Variants in RAMP3 observed in about 807,000 individuals in gnomAD.
The protein encoded by RAMP3 is receptor activity modifying protein 3.
RAMP3 carries 14 observed loss-of-function variants against 13.5 expected under a neutral mutation model. The ratio of observed to expected loss-of-function variants is 1.04; its 90% CI spans 0.69 to 1.63. RAMP3 has a LOEUF of 1.63. Ranked by LOEUF, RAMP3 falls within the 40% of genes most tolerant of loss-of-function variation. RAMP3 has a pLI of 0.00. For missense variants in RAMP3, 200 were observed against 204.8 expected, an observed-to-expected ratio of 0.98 and a Z score of 0.14; for synonymous variants, 106 against 88.3, an observed-to-expected ratio of 1.20 and a Z score of -1.12.
At chr7:45,178,966 C>A (rs985249445) in intron 2 of RAMP3, among the ~76,000 whole-genome samples, 3 of 152,234 alleles carry the variant, frequency 2.0e-5, no homozygotes, top group Non-Finnish European at 4.4e-5. Context: ...GGAGCCCTCC[C>A]ACGACCCGGC....
chr7:45,167,978 G>T (rs935628142), intron 1 of RAMP3, among the ~76,000 whole-genome samples: 1 of 152,280 alleles, frequency 6.6e-6, no homozygotes, highest in Non-Finnish European at 1.5e-5. Context: ...ACTGCAATGG[G>T]CCAGCTGCGA....
At position 45,183,624 on chromosome 7, in the gene RAMP3, C is replaced by A. The variant is rs986108310; in HGVS notation, c.*212C>A. 6 of 661,170 alleles carry A rather than the reference C, an allele frequency of 9.1e-6. No homozygotes were observed. The highest frequency in any genetic ancestry group is 1.5e-5 in the Non-Finnish European group (6 of 391,126). 41.0% of individuals were successfully genotyped at this position (661,170 alleles called of 1,614,324 possible). On this transcript the variant is annotated 3_prime_UTR_variant, in exon 3 of 3. Coordinates refer to ENST00000242249, the MANE Select transcript of RAMP3 (RefSeq NM_005856.3). ...AGGCTATCCGCCCAAGCTCTTTGCT[C>A]ATTCTAGGGCCAGTGGAGGAAAATG...
chr7:45,165,589 A>AT (rs1433564861), intron 1 of RAMP3, among the ~76,000 whole-genome samples: 3 of 152,178 alleles, frequency 2.0e-5, no homozygotes, highest in Non-Finnish European at 2.9e-5. Context: ...ATACATCAAT[A>AT]TTTTTTAGTA....
chr7:45,183,367 T>C lies in RAMP3; in HGVS notation c.402T>C (p.Ala134=). 6.2e-7 allele frequency: 1 copy of C among 1,613,652 alleles called. No homozygotes were observed. ...VIPVVLTVAM[A]GLVVWRSKRT... ...CCGTCGTTCTGACTGTCGCCATGGC[T>C]GGCCTGGTGGTGTGGCGCAGCAAAC... Residue 134 remains alanine (A), a synonymous_variant, in exon 3 of 3, where the codon GCT becomes GCC. Coordinates refer to ENST00000242249, the MANE Select transcript of RAMP3 (RefSeq NM_005856.3).
chr7:45,160,059 G>A (rs1344034839), intron 1 of RAMP3, among the ~76,000 whole-genome samples: 1 of 152,112 alleles, frequency 6.6e-6, no homozygotes, highest in African/African-American at 2.4e-5. Flanking sequence ...CCGGCCGGGT[G>A]CGGTGGCTCA....
At chr7:45,182,402 G>A (rs1786334264) in intron 2 of RAMP3, among the ~76,000 whole-genome samples, 1 of 152,166 alleles carries the variant, frequency 6.6e-6, no homozygotes, top group Non-Finnish European at 1.5e-5. Context: ...GGAACAGGTG[G>A]TGGCTGGGAA....
At chr7:45,172,187 C>T (rs1423305333) in intron 1 of RAMP3, among the ~76,000 whole-genome samples, 1 of 152,202 alleles carries the variant, frequency 6.6e-6, no homozygotes, top group African/African-American at 2.4e-5. Context: ...AGACCTCCTG[C>T]AACCTGGAGC....
At chr7:45,168,086 A>G (rs1017645667) in intron 1 of RAMP3, among the ~76,000 whole-genome samples, 6 of 152,022 alleles carry the variant, frequency 3.9e-5, no homozygotes, top group Non-Finnish European at 8.8e-5. Context: ...ATGTCTTTCT[A>G]TTTATGTAGA....
chr7:45,163,693 T>C (rs773239502), intron 1 of RAMP3: 71 of 985,276 alleles, frequency 7.2e-5, no homozygotes, highest in Non-Finnish European at 8.1e-5. Flanking sequence ...CACTCTTTTT[T>C]ACAGATGGGG....
At chr7:45,158,027 G>A in intron 1 of RAMP3, 141 bp downstream of exon 1, 1 of 841,570 alleles carries the variant, frequency 1.2e-6, no homozygotes, top group Non-Finnish European at 1.6e-6. Flanking sequence ...TGACCCTGGC[G>A]GGATTCCCAG....
chr7:45,160,050 C>T (rs535098727), intron 1 of RAMP3, among the ~76,000 whole-genome samples: 368 of 152,102 alleles, frequency 2.4e-3, no homozygotes, highest in African/African-American at 8.1e-3. Context: ...TGGAGGTGGC[C>T]GGCCGGGTGC....
intron 1 of RAMP3, among the ~76,000 whole-genome samples, chr7:45,159,867 T>C (rs957665606): frequency 6.6e-5 from 10 of 152,288 alleles, no homozygotes; most frequent in Admixed American, 1.3e-4. Flanking sequence ...CACCCAAAGA[T>C]GGAGCACCAT....
At position 45,183,373 on chromosome 7, in the gene RAMP3, G is replaced by T. The variant is rs750211383; in HGVS notation, c.408G>T (p.Leu136=). 19 of 1,613,414 alleles carry T rather than the reference G, an allele frequency of 1.2e-5. No homozygotes were observed. Among genetic ancestry groups the T allele is most frequent in the Non-Finnish European group, 1.5e-5 (18 of 1,180,046 alleles). ...TTCTGACTGTCGCCATGGCTGGCCTGGTGGTGTGGCGCAGCAAACGCACCG... is the reference window on the plus strand; with the variant it reads ...TTCTGACTGTCGCCATGGCTGGCCTTGTGGTGTGGCGCAGCAAACGCACCG... The part of the protein sequence containing the change: ...PVVLTVAMAG[L]VVWRSKRTDT... The change falls in exon 3 of 3, where the codon CTG becomes CTT. Residue 136 remains leucine, a synonymous_variant. Transcript: ENST00000242249.
chr7:45,184,212 T>C lies in RAMP3; in HGVS notation c.*800T>C. 1 of 398,654 alleles carries C rather than the reference T, an allele frequency of 2.5e-6. No homozygotes were observed. The highest frequency in any genetic ancestry group is 4.4e-6 in the Non-Finnish European group (1 of 226,124). 24.7% of individuals were successfully genotyped at this position (398,654 alleles called of 1,614,324 possible). On this transcript the variant is annotated 3_prime_UTR_variant, in exon 3 of 3. Coordinates refer to ENST00000242249, the MANE Select transcript of RAMP3 (RefSeq NM_005856.3). ...AGCTTGTGGCCTCTATCTGCTACCATCTGTGTTTTATCTGAGTAAAGTTAC... is the reference window on the plus strand; with the variant it reads ...AGCTTGTGGCCTCTATCTGCTACCACCTGTGTTTTATCTGAGTAAAGTTAC...
intron 2 of RAMP3, among the ~76,000 whole-genome samples, chr7:45,179,786 C>G (rs765286339): frequency 2.0e-5 from 3 of 152,156 alleles, no homozygotes; most frequent in Non-Finnish European, 1.5e-5. Context: ...AGGGCTTGCC[C>G]GGTACTAGCA....
At position 45,183,534 on chromosome 7, in the gene RAMP3, G is replaced by A. The variant is rs1181103120; in HGVS notation, c.*122G>A. On this transcript the variant is annotated 3_prime_UTR_variant, in exon 3 of 3. Transcript: ENST00000242249. Reference sequence around the variant, plus strand: ...GTGGCCACACCCCACCTGGTCATGGGCAGACCCCTCCCTTCCTGGGCTGAC... The same window carrying A: ...GTGGCCACACCCCACCTGGTCATGGACAGACCCCTCCCTTCCTGGGCTGAC... 84 of 1,420,168 alleles carry A rather than the reference G, an allele frequency of 5.9e-5. No individual in the cohort carries two copies. Among genetic ancestry groups the A allele is most frequent in the Middle Eastern group, 2.4e-4 (1 of 4,246 alleles). 88.0% of individuals were successfully genotyped at this position (1,420,168 alleles called of 1,614,324 possible). A position where few individuals can be genotyped will look rare whatever the true frequency, so the allele number is the denominator to read the frequency against.
At chr7:45,163,740 A>T in intron 1 of RAMP3, 2 of 984,808 alleles carry the variant, frequency 2.0e-6, no homozygotes, top group Non-Finnish European at 2.4e-6. Flanking sequence ...CCCTGCTTGG[A>T]GTCACACAGC....
Position 45,183,482 on chromosome 7 carries a change from G to C in RAMP3, c.*70G>C. 5.1e-6 allele frequency: 8 copies of C among 1,577,518 alleles called. No homozygotes were observed. Among genetic ancestry groups the C allele is most frequent in the Non-Finnish European group, 6.9e-6 (8 of 1,163,572 alleles). ...AAAGTTCCCTGGGGATGGGAGAGCGGGTGGGTGCTGCCAATCTCCAGCTAC... is the reference window on the plus strand; with the variant it reads ...AAAGTTCCCTGGGGATGGGAGAGCGCGTGGGTGCTGCCAATCTCCAGCTAC... On this transcript the variant is annotated 3_prime_UTR_variant, in exon 3 of 3. Transcript: ENST00000242249.
chr7:45,163,751 A>AAATCAGGAACT (rs1785907694), intron 1 of RAMP3: 1 of 985,066 alleles, frequency 1.0e-6, no homozygotes, highest in African/African-American at 1.7e-5. Context: ...GTCACACAGC[A>AAATCAGGAACT]AATCAGGAAC....
Sources: allele counts gnomAD v4.1 joint callset (sites outside exome capture counted in the v4.1 genomes callset), GRCh38; gene constraint gnomAD v4.1.1; transcripts MANE v1.5; gene names NCBI Gene and HGNC (gene_info 2026-07-23, HGNC 2026-07-21).